Variants in SLC26A8 observed in about 807,000 individuals in gnomAD.
SLC26A8 encodes testis anion transporter 1.
A neutral mutation model predicts 105.0 loss-of-function variants in SLC26A8; 70 were observed. That is an observed-to-expected ratio of 0.67 (90% CI 0.55 to 0.81). The LOEUF is 0.81. SLC26A8 is among the 40% of genes least tolerant of loss of function. The pLI, the probability that SLC26A8 is intolerant of heterozygous loss-of-function variation, is 0.00. For synonymous variants in SLC26A8, 415 were observed against 438.3 expected (o/e 0.95, Z 0.66); for missense variants, 998 against 1,181.8 (o/e 0.84, Z 2.28).
intron 10 of SLC26A8, among the ~76,000 whole-genome samples, chr6:35,972,003 C>A (rs1562034201): frequency 6.6e-6 from 1 of 152,176 alleles, no homozygotes; most frequent in African/African-American, 2.4e-5. Flanking sequence ...ATGGGTCAGG[C>A]CTGCCAATGC....
intron 2 of SLC26A8, among the ~76,000 whole-genome samples, chr6:36,017,567 G>T (rs1205083950): frequency 6.6e-6 from 1 of 152,146 alleles, no homozygotes; most frequent in Admixed American, 6.5e-5. Context: ...GGGAGGCAGG[G>T]GCTGCAGTGA....
At chr6:35,977,056 C>T in intron 9 of SLC26A8, 148 bp downstream of exon 9, 1 of 785,390 alleles carries the variant, frequency 1.3e-6, no homozygotes, top group Non-Finnish European at 1.9e-6. Context: ...GTTAAGTATC[C>T]CTCACCTCTC....
rs140891056 is a variant in SLC26A8 at position 35,971,768 on chromosome 6, A to G, written c.1288-2814T>C. 3.1e-3 allele frequency among the ~76,000 whole-genome samples: 476 copies of G among 152,300 alleles called. 7 individuals carry two copies. Among genetic ancestry groups the G allele is most frequent in the African/African-American group, 0.011 (449 of 41,564 alleles). Reference sequence around the variant, plus strand: ...CTCCACGGCCCCATTGACTTCCTCTAAAAAGAATGCAATGCATTCATTTCT... The same window carrying G: ...CTCCACGGCCCCATTGACTTCCTCTGAAAAGAATGCAATGCATTCATTTCT... On this transcript the variant is annotated intron_variant, in intron 10 of 19. Transcript: ENST00000490799.
At chr6:35,989,537 AG>A (rs1323326595) in intron 7 of SLC26A8, 4 of 152,338 alleles carry the variant, frequency 2.6e-5, no homozygotes, top group Admixed American at 1.3e-4. Flanking sequence ...TACTTTGTAG[AG>A]GTGAACAGTC....
intron 3 of SLC26A8, among the ~76,000 whole-genome samples, chr6:36,001,310 A>G (rs1367480390): frequency 6.6e-6 from 1 of 151,958 alleles, no homozygotes; most frequent in Non-Finnish European, 1.5e-5. Context: ...TTATATTTTT[A>G]GTAGAGATGG....
chr6:35,946,231 TTTTTGTTTTG>T (rs769712945), intron 19 of SLC26A8, among the ~76,000 whole-genome samples: 10 of 152,162 alleles, frequency 6.6e-5, no homozygotes, highest in East Asian at 1.9e-4. Flanking sequence ...CACTTGAATT[TTTTTGTTTTG>T]TTTTGTTTTG....
chr6:35,957,846 T>C (rs1166184089), intron 16 of SLC26A8, among the ~76,000 whole-genome samples: 2 of 152,146 alleles, frequency 1.3e-5, no homozygotes, highest in African/African-American at 2.4e-5. Context: ...CCCCAGGTGA[T>C]CCGCCTGCCT....
At position 35,981,137 on chromosome 6, in the gene SLC26A8, C is replaced by T. The variant is rs1374544269; in HGVS notation, c.1025+984G>A. Among the ~76,000 whole-genome samples, 1 of 152,062 alleles carries T rather than the reference C, an allele frequency of 6.6e-6. No individual in the cohort carries two copies. Among genetic ancestry groups the T allele is most frequent in the Non-Finnish European group, 1.5e-5 (1 of 68,026 alleles). ...GCTCTTCAAAAGCCTCTCTGTGAGT[C>T]AAGAAACTGCAGTATATTGCCTTTC... On this transcript the variant is annotated intron_variant, in intron 8 of 19. Coordinates refer to ENST00000490799, the MANE Select transcript of SLC26A8 (RefSeq NM_052961.4). This position sits in a 1 kb window ranked among gnomAD's most constrained non-coding sequence, Gnocchi z 4.0.
At chr6:35,953,954 G>A (rs1416577267) in intron 17 of SLC26A8, among the ~76,000 whole-genome samples, 1 of 152,156 alleles carries the variant, frequency 6.6e-6, no homozygotes, top group Non-Finnish European at 1.5e-5. Context: ...GAGGATAAAA[G>A]AAGGAAAACC....
At chr6:35,963,979 G>A (rs1328133470) in intron 11 of SLC26A8, among the ~76,000 whole-genome samples, 1 of 152,152 alleles carries the variant, frequency 6.6e-6, no homozygotes, top group African/African-American at 2.4e-5. Flanking sequence ...TGAAGGTGAG[G>A]CAGGAGGATC....
chr6:35,961,321 C>T (rs11756141), intron 12 of SLC26A8, among the ~76,000 whole-genome samples: 3,545 of 152,222 alleles, frequency 0.023, 66 homozygotes, highest in South Asian at 0.047. Context: ...GTCTTCAAAT[C>T]TCTCTCAAAA....
intron 6 of SLC26A8, among the ~76,000 whole-genome samples, chr6:35,992,122 C>T (rs1761187273): frequency 6.6e-6 from 1 of 152,172 alleles, no homozygotes; most frequent in Non-Finnish European, 1.5e-5. Flanking sequence ...TGTAGCTTAG[C>T]TCCTACCCTA....
intron 8 of SLC26A8, 130 bp from the exon 9 acceptor site, chr6:35,977,481 G>A (rs1773085542): frequency 9.9e-7 from 1 of 1,007,710 alleles, no homozygotes; most frequent in Admixed American, 3.3e-5. Flanking sequence ...GACAAGCGGA[G>A]TGATTGAGGC....
chr6:35,996,636 T>G (rs1761358054), intron 5 of SLC26A8, among the ~76,000 whole-genome samples: 2 of 152,182 alleles, frequency 1.3e-5, no homozygotes, highest in South Asian at 4.1e-4. Context: ...AGCCTCAACC[T>G]CCTGGGCTCA....
chr6:35,947,170 A>C (rs1771705790), intron 19 of SLC26A8, among the ~76,000 whole-genome samples: 1 of 152,096 alleles, frequency 6.6e-6, no homozygotes, highest in Admixed American at 6.6e-5. Flanking sequence ...CTGGGGTTAT[A>C]GGCACGCGCC....
intron 16 of SLC26A8, among the ~76,000 whole-genome samples, chr6:35,956,555 G>A (rs574267323): frequency 2.0e-5 from 3 of 152,210 alleles, no homozygotes; most frequent in African/African-American, 7.2e-5. Context: ...ACAATGATGT[G>A]CAGGATGCAA....
chr6:35,968,824 C>A (rs1411007055), intron 11 of SLC26A8, 53 bp downstream of exon 11: 7 of 1,243,776 alleles, frequency 5.6e-6, no homozygotes, highest in Non-Finnish European at 7.6e-6. Context: ...CACCAAGGAG[C>A]AATCCAGAGC....
chr6:36,018,453 T>C (rs1269955143), intron 2 of SLC26A8, among the ~76,000 whole-genome samples: 2 of 152,128 alleles, frequency 1.3e-5, no homozygotes, highest in East Asian at 3.8e-4. Context: ...GTGAAATAGC[T>C]AGAATAGGCA....
At position 36,005,657 on chromosome 6, in the gene SLC26A8, C is replaced by T. The variant is rs188610144; in HGVS notation, c.329-5549G>A. Among the ~76,000 whole-genome samples the T allele has an allele frequency of 6.6e-5, 10 of 152,302 alleles. No homozygotes were observed. In the East Asian group the frequency reaches 1.9e-3, roughly 29 times the overall value. Reference sequence around the variant, plus strand: ...TCCATATATTTTACTACTGGTGATGCTCACATTAATCACTTAGTTAAGCTA... The same window carrying T: ...TCCATATATTTTACTACTGGTGATGTTCACATTAATCACTTAGTTAAGCTA... On this transcript the variant is annotated intron_variant, in intron 3 of 19. Coordinates refer to ENST00000490799, the MANE Select transcript of SLC26A8 (RefSeq NM_052961.4).
Sources: gnomAD v4.1 joint callset for allele counts (sites outside exome capture counted in the v4.1 genomes callset) on GRCh38, gnomAD v4.1.1 for gene constraint, Gnocchi (gnomAD v3.1) non-coding constraint, MANE v1.5 for transcripts, NCBI Gene and HGNC (gene_info 2026-07-23, HGNC 2026-07-21) for gene names.